The following SHROOM2 variants were observed in gnomAD, a reference collection of about 807,000 sequenced individuals.
SHROOM2 encodes protein Shroom2.
In SHROOM2, 33 loss-of-function variants were observed where a neutral mutation model predicts 75.9. That is an observed-to-expected ratio of 0.43 (90% CI 0.33 to 0.58). The LOEUF (loss-of-function observed/expected upper bound fraction) is 0.58, where lower values mean the gene tolerates loss of function less well. Among genes scored for constraint, SHROOM2 ranks in the 20% least tolerant of loss-of-function variants. The pLI is 0.04. For missense variants in SHROOM2, 1,434 were observed against 1,461.2 expected (o/e 0.98, Z 0.30); for synonymous variants, 655 against 663.6 (o/e 0.99, Z 0.20).
chrX:9,872,733 C>A lies in SHROOM2; in HGVS notation c.166-919C>A, dbSNP rs182441422. On this transcript the variant is annotated intron_variant, in intron 1 of 9. Transcript: ENST00000380913. ...TTAGGGCTATGACAAAAAACAGATA[C>A]GTGTTAGCAAGGATATGGAGAAATT... Among the ~76,000 whole-genome samples the A allele has an allele frequency of 5.1e-3, 567 of 111,577 alleles. 1 individual carries two copies. Among genetic ancestry groups the A allele is most frequent in the Non-Finnish European group, 8.0e-3 (426 of 53,116 alleles).
chrX:9,871,046 A>G (rs1242259201), intron 1 of SHROOM2, among the ~76,000 whole-genome samples: 1 of 111,628 alleles, frequency 9.0e-6, no homozygotes, highest in African/African-American at 3.3e-5. Context: ...AAAAGCCACT[A>G]AAGACCCGAA....
At chrX:9,835,231 G>A (rs1298189914) in intron 1 of SHROOM2, among the ~76,000 whole-genome samples, 1 of 112,472 alleles carries the variant, frequency 8.9e-6, no homozygotes, top group Non-Finnish European at 1.9e-5. Context: ...CAGTTGCCTG[G>A]AGGACCAGAA....
At position 9,875,110 on chromosome X, in the gene SHROOM2, A is replaced by AAAAAAAAAAAAAAAAAAAAAAG. The variant is rs2084192753; in HGVS notation, c.317+1307_317+1308insAAAAAAAAAAAAAAAAAAAAAG. Among the ~76,000 whole-genome samples, 5 of 93,114 alleles carry AAAAAAAAAAAAAAAAAAAAAAG rather than the reference A, an allele frequency of 5.4e-5. 1 individual carries two copies. Among genetic ancestry groups the AAAAAAAAAAAAAAAAAAAAAAG allele is most frequent in the Non-Finnish European group, 8.5e-5 (4 of 47,337 alleles). 80.9% of individuals were successfully genotyped at this position (93,114 alleles called of 115,157 possible). ...AAAAAAAAAAAAAAAAAAAAAAAAA[A>AAAAAAAAAAAAAAAAAAAAAAG]GGGGAGGAAGGAAAAACATTTTTTG... On this transcript the variant is annotated intron_variant, in intron 2 of 9. Transcript: ENST00000380913.
intron 1 of SHROOM2, among the ~76,000 whole-genome samples, chrX:9,805,641 G>T (rs1413566579): frequency 2.7e-5 from 3 of 112,198 alleles, no homozygotes; most frequent in Non-Finnish European, 5.6e-5. Flanking sequence ...GGAGGCTGAG[G>T]CAGAATGTAG....
chrX:9,932,134 T>C (rs753784352), intron 5 of SHROOM2, 41 bp from the exon 6 acceptor site: 1 of 1,077,667 alleles, frequency 9.3e-7, no homozygotes, highest in Admixed American at 3.2e-5. Flanking sequence ...GGGAAGGTAT[T>C]ATTGGAATCG....
intron 7 of SHROOM2, among the ~76,000 whole-genome samples, chrX:9,937,911 C>A (rs981425751): frequency 4.5e-5 from 5 of 112,024 alleles, no homozygotes; most frequent in Non-Finnish European, 7.5e-5. Context: ...ACACTGCAGA[C>A]CACCAAGCTG....
At chrX:9,875,961 G>A (rs1385529749) in intron 2 of SHROOM2, among the ~76,000 whole-genome samples, 2 of 112,352 alleles carry the variant, frequency 1.8e-5, no homozygotes, top group Admixed American at 1.9e-4. Flanking sequence ...AGGAGAACTG[G>A]TTGGTGGGAG....
intron 1 of SHROOM2, among the ~76,000 whole-genome samples, chrX:9,801,411 C>T (rs1475884601): frequency 1.8e-5 from 2 of 111,924 alleles, no homozygotes; most frequent in Non-Finnish European, 1.9e-5. Context: ...TCCCTGGCCT[C>T]ATCTTCTGCT....
At chrX:9,910,380 T>G (rs2084416056) in intron 5 of SHROOM2, among the ~76,000 whole-genome samples, 1 of 111,419 alleles carries the variant, frequency 9.0e-6, no homozygotes, top group African/African-American at 3.3e-5. Context: ...GCCTGGCTGT[T>G]GCAATTTTTT....
rs944813959 is a variant in SHROOM2 at position 9,920,046 on chromosome X, C to G, written c.2892-12129C>G. ...TATAACTCAGACAGACATCTCAACT[C>G]ACTACAACTCATCAGACATCTCAAC... On this transcript the variant is annotated intron_variant, in intron 5 of 9. Transcript: ENST00000380913. Among the ~76,000 whole-genome samples the G allele has an allele frequency of 4.5e-5, 5 of 112,083 alleles. No homozygotes were observed. The East Asian group carries it at 1.4e-3, about 31-fold the overall frequency.
intron 3 of SHROOM2, among the ~76,000 whole-genome samples, chrX:9,892,176 C>G (rs1206801824): frequency 2.2e-4 from 23 of 106,758 alleles, no homozygotes; most frequent in African/African-American, 7.9e-4. Context: ...TCACTGAAGC[C>G]CAGGAGTTCG....
intron 1 of SHROOM2, among the ~76,000 whole-genome samples, chrX:9,826,601 A>G (rs1601930223): frequency 9.1e-6 from 1 of 109,801 alleles, no homozygotes; most frequent in African/African-American, 3.3e-5. Flanking sequence ...GTGAGACCCC[A>G]TCTCTACAAA....
chrX:9,898,355 T>C (rs1158695936), intron 5 of SHROOM2, 65 bp downstream of exon 5: 1 of 859,369 alleles, frequency 1.2e-6, no homozygotes, highest in Non-Finnish European at 1.6e-6. Flanking sequence ...GTACGATGGG[T>C]GGGTGCTTGG....
At chrX:9,935,250 A>G (rs1303274642) in intron 6 of SHROOM2, among the ~76,000 whole-genome samples, 1 of 110,862 alleles carries the variant, frequency 9.0e-6, no homozygotes, top group Non-Finnish European at 1.9e-5. Context: ...GGGTGAAGGG[A>G]GTGCAGAGGG....
intron 1 of SHROOM2, among the ~76,000 whole-genome samples, chrX:9,871,697 G>A (rs1178320362): frequency 1.8e-5 from 2 of 112,080 alleles, no homozygotes; most frequent in African/African-American, 6.5e-5. Flanking sequence ...AAGTTCACTT[G>A]TCCTCAGATC....
intron 2 of SHROOM2, among the ~76,000 whole-genome samples, chrX:9,881,539 G>A (rs1299168119): frequency 3.6e-5 from 4 of 112,341 alleles, no homozygotes; most frequent in Non-Finnish European, 7.5e-5. Flanking sequence ...GTGACCACAT[G>A]TGCAGTGGTA....
intron 1 of SHROOM2, among the ~76,000 whole-genome samples, 159 bp from the exon 2 acceptor site, chrX:9,873,493 G>A (rs944200507): frequency 9.0e-6 from 1 of 110,953 alleles, no homozygotes; most frequent in African/African-American, 3.3e-5. Flanking sequence ...GCCAGGGTGA[G>A]GGGTGTAGTG....
At chrX:9,929,646 TAG>T (rs2084629024) in intron 5 of SHROOM2, among the ~76,000 whole-genome samples, 1 of 111,559 alleles carries the variant, frequency 9.0e-6, no homozygotes, top group African/African-American at 3.3e-5. Flanking sequence ...ACTTTGCAAA[TAG>T]AGTTCCTTTT....
intron 1 of SHROOM2, among the ~76,000 whole-genome samples, chrX:9,800,046 C>T (rs757156600): frequency 1.8e-5 from 2 of 111,652 alleles, no homozygotes; most frequent in East Asian, 5.6e-4. Flanking sequence ...TAACCTCCCA[C>T]AGCCAGTTGA....
Sources: allele counts gnomAD v4.1 joint callset (sites outside exome capture counted in the v4.1 genomes callset), GRCh38; gene constraint gnomAD v4.1.1; transcripts MANE v1.5; gene names NCBI Gene and HGNC (gene_info 2026-07-23, HGNC 2026-07-21).